TTC33: variants seen among roughly 807,000 people sequenced by gnomAD.
TTC33 encodes tetratricopeptide repeat protein 33.
TTC33 carries 24 observed loss-of-function variants against 29.4 expected under a neutral mutation model. That is an observed-to-expected ratio of 0.82 (90% CI 0.59 to 1.15). The LOEUF (loss-of-function observed/expected upper bound fraction) is 1.15, where lower values mean the gene tolerates loss of function less well. Among genes scored for constraint, TTC33 ranks in the 50% most tolerant of loss-of-function variants. TTC33 has a pLI of 0.00. For missense variants in TTC33, 286 were observed against 310.4 expected (o/e 0.92, Z 0.59); for synonymous variants, 107 against 100.3 (o/e 1.07, Z -0.40).
At chr5:40,747,219 G>A (rs796241513) in intron 1 of TTC33, among the ~76,000 whole-genome samples, 200 bp from the exon 2 acceptor site, 8 of 151,904 alleles carry the variant, frequency 5.3e-5, no homozygotes, top group East Asian at 3.9e-4. Context: ...CACCCACACC[G>A]GCTAATTTTT....
intron 1 of TTC33, 53 bp from the exon 2 acceptor site, chr5:40,747,072 T>G (rs1241337796): frequency 1.3e-6 from 2 of 1,531,180 alleles, no homozygotes; most frequent in Admixed American, 3.9e-5. Context: ...CTTTTTTTTT[T>G]TTTGAGATGG....
At chr5:40,745,766 A>T (rs1742778103) in intron 2 of TTC33, among the ~76,000 whole-genome samples, 1 of 151,108 alleles carries the variant, frequency 6.6e-6, no homozygotes, top group Non-Finnish European at 1.5e-5. Flanking sequence ...ACAGGGTCTC[A>T]CTCTGTAGCC....
chr5:40,732,611 AT>A (rs200959113), intron 2 of TTC33, among the ~76,000 whole-genome samples: 1 of 151,104 alleles, frequency 6.6e-6, no homozygotes, highest in Admixed American at 6.6e-5. Context: ...AATATAACAG[AT>A]TTTTTTTTAG....
chr5:40,736,643 T>A (rs867576178), intron 2 of TTC33, among the ~76,000 whole-genome samples: 6 of 152,150 alleles, frequency 3.9e-5, no homozygotes, highest in Non-Finnish European at 1.5e-5. Context: ...CAAGAACATA[T>A]AAAATCCTAA....
rs1741929851 is a variant in TTC33 at position 40,713,158 on chromosome 5, G to A, written c.*2987C>T. The stretch of plus-strand genomic sequence containing the variant: ...TGAAGATAATTATTATGGAACTATG[G>A]TTCTTATGTCAACTCACAACTCATT... On this transcript the variant is annotated 3_prime_UTR_variant, in exon 5 of 5. Coordinates refer to ENST00000337702, the MANE Select transcript of TTC33 (RefSeq NM_012382.3). 6.6e-6 allele frequency among the ~76,000 whole-genome samples: 1 copy of A among 151,960 alleles called. No individual in the cohort carries two copies.
rs140286511 is a variant in TTC33, at chr5:40,740,784, C to T, written c.221+6014G>A. The stretch of plus-strand genomic sequence containing the variant: ...TCTCCCAGATTTACTCAGTTCCCAC[C>T]CCATGTCCTCTCATACAGTGATTCC... On this transcript the variant is annotated intron_variant, in intron 2 of 4. Transcript: ENST00000337702. Among the ~76,000 whole-genome samples the T allele has an allele frequency of 1.5e-4, 23 of 152,310 alleles. No individual in the cohort carries two copies. In the East Asian group the frequency reaches 4.2e-3, roughly 28 times the overall value.
intron 2 of TTC33, among the ~76,000 whole-genome samples, chr5:40,745,580 A>C (rs999364612): frequency 2.6e-5 from 4 of 151,854 alleles, no homozygotes; most frequent in African/African-American, 4.8e-5. Flanking sequence ...GCTGGAACCC[A>C]ATAGCAGAGT....
rs1008949890 is a variant in TTC33, at chr5:40,742,100, GT to G, written c.221+4697del. Among the ~76,000 whole-genome samples, 11 of 149,008 alleles carry G rather than the reference GT, an allele frequency of 7.4e-5. No individual in the cohort carries two copies. In the Middle Eastern group the frequency reaches 0.01, roughly 142 times the overall value. Reference sequence around the variant, plus strand: ...GACTACTGTCCAATGGTTGAAAACAGTTTTTTTTTTATATCTTTTGTCCAAT... The same window carrying G: ...GACTACTGTCCAATGGTTGAAAACAGTTTTTTTTTATATCTTTTGTCCAAT... On this transcript the variant is annotated intron_variant, in intron 2 of 4. Transcript: ENST00000337702.
At chr5:40,732,644 G>C (rs1271154723) in intron 2 of TTC33, among the ~76,000 whole-genome samples, 1 of 151,886 alleles carries the variant, frequency 6.6e-6, no homozygotes, top group Non-Finnish European at 1.5e-5. Flanking sequence ...CTGTCACCCA[G>C]GCTGGAGTAC....
chr5:40,743,956 T>C lies in TTC33; in HGVS notation c.221+2842A>G, dbSNP rs114086656. The stretch of plus-strand genomic sequence containing the variant: ...ACATACAGGCAGAAAACAAGAGTTA[T>C]TGTGTTTGTCTACAATGCTGATATC... On this transcript the variant is annotated intron_variant, in intron 2 of 4. Transcript: ENST00000337702. Among the ~76,000 whole-genome samples the C allele has an allele frequency of 5.0e-3, 757 of 152,324 alleles. 8 individuals carry two copies. Among genetic ancestry groups the C allele is most frequent in the African/African-American group, 0.017 (714 of 41,566 alleles).
chr5:40,733,814 A>AGGTGTCCCAAG (rs1742488184), intron 2 of TTC33, among the ~76,000 whole-genome samples: 1 of 152,236 alleles, frequency 6.6e-6, no homozygotes, highest in Non-Finnish European at 1.5e-5. Flanking sequence ...CAAGTACGAA[A>AGGTGTCCCAAG]TAAACTAAGA....
Position 40,712,859 on chromosome 5 carries a change from C to T in TTC33, c.*3286G>A, listed in dbSNP as rs531433857. On this transcript the variant is annotated 3_prime_UTR_variant, in exon 5 of 5. Transcript: ENST00000337702. Reference sequence around the variant, plus strand: ...TGACCAAAGTAGTTCATATATAGTGCACATTAGGGCATGATTCATGTTACA... The same window carrying T: ...TGACCAAAGTAGTTCATATATAGTGTACATTAGGGCATGATTCATGTTACA... Among the ~76,000 whole-genome samples, 2 of 152,110 alleles carry T rather than the reference C, an allele frequency of 1.3e-5. No homozygotes were observed. The highest frequency in any genetic ancestry group is 3.9e-4 in the East Asian group (2 of 5,190).
At chr5:40,742,670 C>T (rs1742718456) in intron 2 of TTC33, among the ~76,000 whole-genome samples, 1 of 152,048 alleles carries the variant, frequency 6.6e-6, no homozygotes, top group Admixed American at 6.6e-5. Flanking sequence ...AGAATCCTGC[C>T]ATCCTTGTGA....
chr5:40,738,436 A>C (rs999481498), intron 2 of TTC33, among the ~76,000 whole-genome samples: 2 of 65,116 alleles, frequency 3.1e-5, no homozygotes, highest in Non-Finnish European at 6.2e-5. Context: ...AAAATAAAAT[A>C]TAAAATAAAA....
intron 2 of TTC33, among the ~76,000 whole-genome samples, chr5:40,734,121 G>A (rs1742495308): frequency 6.6e-6 from 1 of 152,138 alleles, no homozygotes; most frequent in African/African-American, 2.4e-5. Context: ...AGAAATGGTG[G>A]GTATTTACTT....
At chr5:40,741,643 C>T (rs577226690) in intron 2 of TTC33, among the ~76,000 whole-genome samples, 93 of 152,312 alleles carry the variant, frequency 6.1e-4, no homozygotes, top group African/African-American at 2.2e-3. Context: ...TGTGGTCTAT[C>T]TGGTTTCCTC....
At chr5:40,739,987 A>G (rs1326073842) in intron 2 of TTC33, among the ~76,000 whole-genome samples, 2 of 152,052 alleles carry the variant, frequency 1.3e-5, no homozygotes, top group Non-Finnish European at 2.9e-5. Flanking sequence ...TTTTACATCC[A>G]TTATTGGCTT....
intron 1 of TTC33, among the ~76,000 whole-genome samples, chr5:40,754,971 A>T (rs2111948005): frequency 6.6e-6 from 1 of 152,328 alleles, no homozygotes; most frequent in Middle Eastern, 3.4e-3. Context: ...TCAACATCCT[A>T]GACTTAACAT....
At chr5:40,746,736 T>C (rs1164221579) in intron 2 of TTC33, 62 bp downstream of exon 2, 1 of 1,235,962 alleles carries the variant, frequency 8.1e-7, no homozygotes, top group Non-Finnish European at 1.1e-6. Flanking sequence ...TTCATCCCAT[T>C]ACGGACAGTG....
Sources: gnomAD v4.1 joint callset for allele counts (sites outside exome capture counted in the v4.1 genomes callset) on GRCh38, gnomAD v4.1.1 for gene constraint, MANE v1.5 for transcripts, NCBI Gene and HGNC (gene_info 2026-07-23, HGNC 2026-07-21) for gene names.